Variants in RANBP9 observed in about 807,000 individuals in gnomAD.
RANBP9 encodes RAN binding protein 9, also known as ran-binding protein 9.
RANBP9 carries 15 observed loss-of-function variants against 84.3 expected under a neutral mutation model. The observed-to-expected ratio is 0.18, with a 90% CI of 0.12 to 0.27. RANBP9 has a LOEUF of 0.27. Ranked by LOEUF, RANBP9 falls within the 10% of genes least tolerant of loss-of-function variation. RANBP9 has a pLI of 1.00. For missense variants in RANBP9, 809 were observed against 912.8 expected, an observed-to-expected ratio of 0.89 and a Z score of 1.46; for synonymous variants, 392 against 349.6, an observed-to-expected ratio of 1.12 and a Z score of -1.35.
rs1388262718 is a variant in RANBP9 at position 13,638,106 on chromosome 6, C to T, written c.1526-151G>A. ...AACAGGTAACTTCTTTGAAAGGATA[C>T]TAAGAATACTTAATTGTGAGATCTT... On this transcript the variant is annotated intron_variant, in intron 9 of 13. Coordinates refer to ENST00000011619, the MANE Select transcript of RANBP9 (RefSeq NM_005493.3). 14 of 613,134 alleles carry T rather than the reference C, an allele frequency of 2.3e-5. No homozygotes were observed. The Admixed American group carries it at 4.5e-4, about 20-fold the overall frequency. 38.0% of individuals were successfully genotyped at this position (613,134 alleles called of 1,614,324 possible). A position where few individuals can be genotyped will look rare whatever the true frequency, so the allele number is the denominator to read the frequency against.
chr6:13,657,404 T>C (rs1306252926), intron 3 of RANBP9, 128 bp from the exon 4 acceptor site: 4 of 653,792 alleles, frequency 6.1e-6, no homozygotes, highest in Non-Finnish European at 9.2e-6. Flanking sequence ...AATGTACATT[T>C]AAATTCTCAA....
chr6:13,702,308 T>C (rs1266797744), intron 1 of RANBP9, among the ~76,000 whole-genome samples: 1 of 152,054 alleles, frequency 6.6e-6, no homozygotes, highest in Non-Finnish European at 1.5e-5. Flanking sequence ...CCAGGCATGG[T>C]GGCGGGTGTG....
At chr6:13,647,937 A>G (rs1765209489) in intron 5 of RANBP9, among the ~76,000 whole-genome samples, 1 of 152,092 alleles carries the variant, frequency 6.6e-6, no homozygotes, top group Non-Finnish European at 1.5e-5. Flanking sequence ...GTTTTTTAGT[A>G]TGTTCACAGA....
At chr6:13,636,344 A>G (rs1303380276) in intron 10 of RANBP9, among the ~76,000 whole-genome samples, 1 of 152,242 alleles carries the variant, frequency 6.6e-6, no homozygotes, top group African/African-American at 2.4e-5. Context: ...CTTCACAGTT[A>G]GGAAAGCCAT....
At chr6:13,710,907 C>T in intron 1 of RANBP9, 28 bp downstream of exon 1, 7 of 1,575,202 alleles carry the variant, frequency 4.4e-6, no homozygotes, top group Non-Finnish European at 5.2e-6. Flanking sequence ...CAGTGCCCCA[C>T]TCCCACCGCA....
intron 5 of RANBP9, among the ~76,000 whole-genome samples, chr6:13,650,193 A>T (rs1349968027): frequency 6.8e-6 from 1 of 146,644 alleles, no homozygotes. Context: ...TAGAGGTGAG[A>T]TCTCATTATA....
At chr6:13,655,900 A>C (rs1765385925) in intron 4 of RANBP9, among the ~76,000 whole-genome samples, 1 of 152,216 alleles carries the variant, frequency 6.6e-6, no homozygotes, top group African/African-American at 2.4e-5. Context: ...CACAACAATG[A>C]AACCACACAC....
At chr6:13,676,792 C>T (rs910644106) in intron 2 of RANBP9, among the ~76,000 whole-genome samples, 4 of 151,816 alleles carry the variant, frequency 2.6e-5, no homozygotes, top group African/African-American at 4.8e-5. Context: ...ATGCAGAAAA[C>T]GCATCTGACA....
intron 12 of RANBP9, among the ~76,000 whole-genome samples, chr6:13,626,494 A>G (rs1034722349): frequency 3.3e-5 from 5 of 152,206 alleles, no homozygotes; most frequent in African/African-American, 9.6e-5. Flanking sequence ...TGGGGACTAT[A>G]AGAGGCCCTA....
intron 1 of RANBP9, among the ~76,000 whole-genome samples, chr6:13,710,460 C>T (rs1191197535): frequency 1.3e-5 from 2 of 152,132 alleles, no homozygotes; most frequent in Admixed American, 6.5e-5. Context: ...TACTCCTCCC[C>T]CTGTGTATCC....
rs745904716 is a variant in RANBP9, at chr6:13,634,564, AAAAC to A, written c.1674-16_1674-13del. The A allele has an allele frequency of 2.5e-6, 4 of 1,588,466 alleles. No individual in the cohort carries two copies. The highest frequency in any genetic ancestry group is 1.7e-5 in the Admixed American group (1 of 57,976). On this transcript the variant is annotated splice_polypyrimidine_tract_variant and intron_variant, in intron 10 of 13. Coordinates refer to ENST00000011619, the MANE Select transcript of RANBP9 (RefSeq NM_005493.3). ...TGTCTACATCATTACTGAAAACGAA[AAAAC>A]AAACCTAATTTTAGAAATATCATAC...
chr6:13,648,640 C>T (rs1765226907), intron 5 of RANBP9, among the ~76,000 whole-genome samples: 1 of 152,170 alleles, frequency 6.6e-6, no homozygotes. Flanking sequence ...CTAGAAATTG[C>T]TTAAAAGCTA....
intron 12 of RANBP9, among the ~76,000 whole-genome samples, chr6:13,629,899 C>G (rs1045967928): frequency 4.4e-5 from 5 of 114,120 alleles, no homozygotes; most frequent in South Asian, 3.3e-4. Flanking sequence ...GTCTCTGTCT[C>G]TCTCTCTCTC....
At chr6:13,683,839 G>A (rs1188457027) in intron 2 of RANBP9, among the ~76,000 whole-genome samples, 1 of 151,904 alleles carries the variant, frequency 6.6e-6, no homozygotes. Flanking sequence ...AGGTAAGGGT[G>A]ATTTGGGATT....
At chr6:13,693,985 G>A (rs1476569632) in intron 2 of RANBP9, among the ~76,000 whole-genome samples, 1 of 152,148 alleles carries the variant, frequency 6.6e-6, no homozygotes, top group African/African-American at 2.4e-5. Context: ...AGAGGTTGCA[G>A]TGAGCCAAGA....
intron 2 of RANBP9, among the ~76,000 whole-genome samples, chr6:13,676,712 T>A (rs1042098356): frequency 6.6e-6 from 1 of 151,632 alleles, no homozygotes; most frequent in African/African-American, 2.4e-5. Flanking sequence ...TGGCTCAACA[T>A]TCAAAAAAAA....
At chr6:13,685,135 T>C (rs182595157) in intron 2 of RANBP9, among the ~76,000 whole-genome samples, 3 of 152,230 alleles carry the variant, frequency 2.0e-5, no homozygotes, top group Admixed American at 6.5e-5. Context: ...ATACCCCTTC[T>C]TGTGATCCAT....
chr6:13,677,789 T>C (rs974881017), intron 2 of RANBP9, among the ~76,000 whole-genome samples: 1 of 152,140 alleles, frequency 6.6e-6, no homozygotes, highest in African/African-American at 2.4e-5. Context: ...GTGATTCACA[T>C]AGTAGTGTTA....
At chr6:13,694,367 A>C (rs1488804930) in intron 2 of RANBP9, among the ~76,000 whole-genome samples, 1 of 152,256 alleles carries the variant, frequency 6.6e-6, no homozygotes, top group Admixed American at 6.5e-5. Flanking sequence ...GGAATCTCGA[A>C]TGTGTTATGC....
Sources: allele counts gnomAD v4.1 joint callset (sites outside exome capture counted in the v4.1 genomes callset), GRCh38; gene constraint gnomAD v4.1.1; transcripts MANE v1.5; gene names NCBI Gene and HGNC (gene_info 2026-07-23, HGNC 2026-07-21).